Variants in ITPR2 observed in about 807,000 individuals in gnomAD.
The protein encoded by ITPR2 is inositol 1,4,5-trisphosphate-gated calcium channel ITPR2.
Under a neutral mutation model 317.1 loss-of-function variants are expected in ITPR2, and 207 were observed. The ratio of observed to expected loss-of-function variants is 0.65; its 90% confidence interval spans 0.58 to 0.73. The LOEUF (loss-of-function observed/expected upper bound fraction) is 0.73, where lower values mean the gene tolerates loss of function less well. Ranked by LOEUF, ITPR2 falls within the 30% of genes least tolerant of loss-of-function variation. The pLI is 0.00. For synonymous variants in ITPR2, 1,156 were observed against 1,149.1 expected (o/e 1.01, Z -0.12); for missense variants, 2,613 against 3,284.0 (o/e 0.80, Z 4.99).
At chr12:26,788,850 T>G (rs1401816158) in intron 2 of ITPR2, among the ~76,000 whole-genome samples, 1 of 152,232 alleles carries the variant, frequency 6.6e-6, no homozygotes, top group Non-Finnish European at 1.5e-5. Context: ...GCTAGCTCAT[T>G]CTTTTCAGAA....
chr12:26,534,286 C>A (rs1402477791), intron 37 of ITPR2, among the ~76,000 whole-genome samples: 1 of 152,162 alleles, frequency 6.6e-6, no homozygotes, highest in Non-Finnish European at 1.5e-5. Context: ...AAATTGTATG[C>A]AAACATGTGA....
chr12:26,674,327 G>T (rs1373528407), intron 13 of ITPR2, among the ~76,000 whole-genome samples: 2 of 152,104 alleles, frequency 1.3e-5, no homozygotes, highest in Non-Finnish European at 2.9e-5. Context: ...AAAACAGCAT[G>T]GTACTGGTAC....
intron 45 of ITPR2, among the ~76,000 whole-genome samples, chr12:26,471,896 T>G (rs1262136328): frequency 6.6e-6 from 1 of 152,222 alleles, no homozygotes; most frequent in Non-Finnish European, 1.5e-5. Context: ...TGGCCACTTC[T>G]GAAGCAGTGC....
intron 37 of ITPR2, among the ~76,000 whole-genome samples, chr12:26,545,271 T>C (rs1944367260): frequency 6.6e-6 from 1 of 152,056 alleles, no homozygotes; most frequent in African/African-American, 2.4e-5. Flanking sequence ...GCTCTTGAGA[T>C]GGGAAAATTA....
At chr12:26,501,696 A>G (rs1455775404) in intron 37 of ITPR2, among the ~76,000 whole-genome samples, 1 of 152,218 alleles carries the variant, frequency 6.6e-6, no homozygotes, top group Non-Finnish European at 1.5e-5. Context: ...AGATCCAAAT[A>G]TTCATTCACC....
intron 2 of ITPR2, among the ~76,000 whole-genome samples, chr12:26,772,430 TA>T (rs1295682279): frequency 7.7e-6 from 1 of 129,404 alleles, no homozygotes; most frequent in Non-Finnish European, 1.6e-5. Flanking sequence ...ATATTATATA[TA>T]ATACATGTAT....
chr12:26,677,299 C>G (rs1947929821), intron 13 of ITPR2, among the ~76,000 whole-genome samples: 1 of 152,144 alleles, frequency 6.6e-6, no homozygotes, highest in Admixed American at 6.5e-5. Flanking sequence ...ATTAAACTTG[C>G]AAATGAAAAT....
intron 5 of ITPR2, 101 bp downstream of exon 5, chr12:26,722,296 A>T (rs1948851514): frequency 9.4e-7 from 1 of 1,067,514 alleles, no homozygotes; most frequent in Non-Finnish European, 1.3e-6. Context: ...GTATTGAGTA[A>T]AAACTATATT....
chr12:26,564,962 A>T (rs1417822783), intron 34 of ITPR2, among the ~76,000 whole-genome samples: 1 of 152,218 alleles, frequency 6.6e-6, no homozygotes, highest in African/African-American at 2.4e-5. Flanking sequence ...AGAAAAGATG[A>T]TTCCTAAAAA....
intron 26 of ITPR2, among the ~76,000 whole-genome samples, chr12:26,609,971 G>A (rs968942652): frequency 6.6e-6 from 1 of 152,190 alleles, no homozygotes; most frequent in Non-Finnish European, 1.5e-5. Flanking sequence ...ATGGGAATAT[G>A]TATAATGATA....
intron 1 of ITPR2, among the ~76,000 whole-genome samples, chr12:26,790,670 T>C (rs1482541427): frequency 6.6e-6 from 1 of 151,254 alleles, no homozygotes; most frequent in Non-Finnish European, 1.5e-5. Flanking sequence ...TTAAGAGTGG[T>C]CAGATTACCC....
At chr12:26,482,494 T>C (rs1268738403) in intron 42 of ITPR2, among the ~76,000 whole-genome samples, 4 of 152,248 alleles carry the variant, frequency 2.6e-5, no homozygotes, top group Admixed American at 6.5e-5. Context: ...TTTTCTATTA[T>C]AGATGTACAA....
chr12:26,640,542 C>T (rs1350799064), intron 21 of ITPR2, among the ~76,000 whole-genome samples: 1 of 151,818 alleles, frequency 6.6e-6, no homozygotes, highest in Non-Finnish European at 1.5e-5. Flanking sequence ...TGGTACAAGT[C>T]CCCCATAGAA....
chr12:26,819,875 T>A (rs940246873), intron 1 of ITPR2, among the ~76,000 whole-genome samples: 11 of 152,052 alleles, frequency 7.2e-5, no homozygotes, highest in African/African-American at 2.4e-4. Context: ...GAGACCTGCC[T>A]GGACAACATG....
chr12:26,823,745 T>C (rs1469597134), intron 1 of ITPR2, among the ~76,000 whole-genome samples: 2 of 150,548 alleles, frequency 1.3e-5, no homozygotes, highest in African/African-American at 2.5e-5. Context: ...TGGTATAAAC[T>C]ATGGTAACCC....
At chr12:26,674,711 T>G (rs1947868686) in intron 13 of ITPR2, among the ~76,000 whole-genome samples, 1 of 152,146 alleles carries the variant, frequency 6.6e-6, no homozygotes, top group Non-Finnish European at 1.5e-5. Flanking sequence ...CTAATTCAAC[T>G]AAAGAGCTTC....
At chr12:26,787,057 T>C (rs1026095364) in intron 2 of ITPR2, among the ~76,000 whole-genome samples, 3 of 152,144 alleles carry the variant, frequency 2.0e-5, no homozygotes, top group African/African-American at 7.2e-5. Flanking sequence ...GAGAATGGCC[T>C]AAGGCAAGAG....
chr12:26,544,725 T>C (rs1170034460), intron 37 of ITPR2, among the ~76,000 whole-genome samples: 11 of 151,474 alleles, frequency 7.3e-5, no homozygotes, highest in African/African-American at 2.4e-4. Flanking sequence ...AAATGTAATA[T>C]TAGAATAGCT....
chr12:26,530,579 T>C (rs1943920943), intron 37 of ITPR2, among the ~76,000 whole-genome samples: 1 of 152,210 alleles, frequency 6.6e-6, no homozygotes, highest in Non-Finnish European at 1.5e-5. Flanking sequence ...AATATTTCTA[T>C]ACATAAGCTA....
Sources: gnomAD v4.1 joint callset for allele counts (sites outside exome capture counted in the v4.1 genomes callset) on GRCh38, gnomAD v4.1.1 for gene constraint, MANE v1.5 for transcripts, NCBI Gene and HGNC (gene_info 2026-07-23, HGNC 2026-07-21) for gene names.